The following FAM178B variants were observed in gnomAD, a reference collection of about 807,000 sequenced individuals.
FAM178B encodes protein FAM178B.
In FAM178B, 82 loss-of-function variants were observed where a neutral mutation model predicts 91.7. The ratio of observed to expected loss-of-function variants is 0.89; its 90% CI spans 0.75 to 1.07. The LOEUF (loss-of-function observed/expected upper bound fraction) is 1.07, where lower values mean the gene tolerates loss of function less well. Among genes scored for constraint, FAM178B ranks in the 50% least tolerant of loss-of-function variants. The pLI is 0.00. For synonymous variants in FAM178B, 368 were observed against 359.4 expected, an observed-to-expected ratio of 1.02 and a Z score of -0.27; for missense variants, 769 against 846.7, an observed-to-expected ratio of 0.91 and a Z score of 1.14.
chr2:96,891,562 C>T (rs2080681549), intron 14 of FAM178B, among the ~76,000 whole-genome samples: 1 of 152,202 alleles, frequency 6.6e-6, no homozygotes, highest in African/African-American at 2.4e-5. Context: ...GTGCTAGAGA[C>T]ACTGCATGTG....
chr2:96,964,940 C>T (rs1293718802), intron 5 of FAM178B, among the ~76,000 whole-genome samples: 1 of 152,144 alleles, frequency 6.6e-6, no homozygotes, highest in African/African-American at 2.4e-5. Flanking sequence ...GGGCTCCATA[C>T]CCTTGGGCCC....
chr2:96,934,628 G>A (rs76700755), intron 8 of FAM178B, among the ~76,000 whole-genome samples: 4,160 of 152,224 alleles, frequency 0.027, 198 homozygotes, highest in African/African-American at 0.096. Flanking sequence ...CAGGCAGACC[G>A]GCGTTCTCCC....
intron 12 of FAM178B, among the ~76,000 whole-genome samples, chr2:96,909,827 C>G (rs1464786812): frequency 6.6e-6 from 1 of 152,182 alleles, no homozygotes; most frequent in African/African-American, 2.4e-5. Context: ...GTGAATCTGA[C>G]CATTGTTCCA....
At chr2:96,971,636 T>C (rs2082219339) in intron 3 of FAM178B, among the ~76,000 whole-genome samples, 1 of 152,152 alleles carries the variant, frequency 6.6e-6, no homozygotes, top group South Asian at 2.1e-4. Flanking sequence ...AGGGGCCCCA[T>C]GAAGTGGCAT....
intron 10 of FAM178B, among the ~76,000 whole-genome samples, chr2:96,922,597 A>C (rs1351268995): frequency 2.6e-5 from 4 of 152,200 alleles, no homozygotes; most frequent in Non-Finnish European, 5.9e-5. Context: ...TGATTCACCC[A>C]CGTTGGCCTC....
rs376719399 is a variant in FAM178B at position 96,960,579 on chromosome 2, G to A, written c.735-139C>T. On this transcript the variant is annotated intron_variant, in intron 5 of 16. Transcript: ENST00000490605. Reference sequence around the variant, plus strand: ...CCTTGCGGCAAACCAAGGGGACAGCGCCACCTGCTGATGGAGGAAGAGCCC... The same window carrying A: ...CCTTGCGGCAAACCAAGGGGACAGCACCACCTGCTGATGGAGGAAGAGCCC... 2.8e-4 allele frequency: 283 copies of A among 998,150 alleles called. No homozygotes were observed. The African/African-American group carries it at 3.8e-3, about 13-fold the overall frequency. The allele number at this position is 998,150 out of a possible 1,614,324, so 61.8% of individuals were successfully genotyped here. A position where few individuals can be genotyped will look rare whatever the true frequency, so the allele number is the denominator to read the frequency against.
chr2:96,895,970 G>C (rs915717477), intron 13 of FAM178B, among the ~76,000 whole-genome samples: 5 of 152,230 alleles, frequency 3.3e-5, no homozygotes, highest in African/African-American at 1.2e-4. Flanking sequence ...ATCCTTTTGG[G>C]AGGGGGGAGG....
At chr2:96,900,164 G>A (rs1330367910) in intron 13 of FAM178B, among the ~76,000 whole-genome samples, 1 of 152,100 alleles carries the variant, frequency 6.6e-6, no homozygotes, top group African/African-American at 2.4e-5. Flanking sequence ...TCTGCGCTGG[G>A]CCTGTCCGTC....
At chr2:96,971,811 G>T in intron 3 of FAM178B, 90 bp downstream of exon 3, 1 of 1,243,678 alleles carries the variant, frequency 8.0e-7, no homozygotes. Context: ...CTGGGGCGTG[G>T]CTCAGGAGAG....
Position 96,986,405 on chromosome 2 carries a change from A to C in FAM178B, c.-92T>G, listed in dbSNP as rs1336629761. On this transcript the variant is annotated 5_prime_UTR_variant, in exon 1 of 17. Coordinates refer to ENST00000490605, the MANE Select transcript of FAM178B (RefSeq NM_001122646.3). Reference sequence around the variant, plus strand: ...GGGCCAGCTAGCCGGGAAAGGAAGCAGGAGCAGGCTCCCCAGGCGGCGCAG... The same window carrying C: ...GGGCCAGCTAGCCGGGAAAGGAAGCCGGAGCAGGCTCCCCAGGCGGCGCAG... 6 of 1,447,982 alleles carry C rather than the reference A, an allele frequency of 4.1e-6. No homozygotes were observed. The highest frequency in any genetic ancestry group is 4.6e-6 in the Non-Finnish European group (5 of 1,094,714). The allele number at this position is 1,447,982 out of a possible 1,614,324, so 89.7% of individuals were successfully genotyped here.
chr2:96,875,968 G>GC lies in FAM178B; in HGVS notation c.*307dup. The GC allele has an allele frequency of 2.3e-6, 1 of 438,152 alleles. No homozygotes were observed. Among genetic ancestry groups the GC allele is most frequent in the East Asian group, 4.1e-5 (1 of 24,176 alleles). The allele number at this position is 438,152 out of a possible 1,614,324, so 27.1% of individuals were successfully genotyped here. A position where few individuals can be genotyped will look rare whatever the true frequency, so the allele number is the denominator to read the frequency against. Reference sequence around the variant, plus strand: ...AGGAAGGAGGGTGGGGAGGACTGAGGCCCAGGGAAACCAGAGCTATGGAGA... The same window carrying GC: ...AGGAAGGAGGGTGGGGAGGACTGAGGCCCCAGGGAAACCAGAGCTATGGAGA... On this transcript the variant is annotated 3_prime_UTR_variant, in exon 17 of 17. Transcript: ENST00000490605.
At chr2:96,909,116 C>T (rs950737664) in intron 12 of FAM178B, among the ~76,000 whole-genome samples, 2 of 146,118 alleles carry the variant, frequency 1.4e-5, no homozygotes, top group African/African-American at 5.1e-5. Flanking sequence ...GCCCTCCAGC[C>T]TGGGCGACAG....
chr2:96,952,532 C>A (rs1456165524), intron 6 of FAM178B, among the ~76,000 whole-genome samples: 2 of 152,188 alleles, frequency 1.3e-5, no homozygotes, highest in Non-Finnish European at 2.9e-5. Context: ...TTGGGGACCA[C>A]TGACCCGGTA....
intron 13 of FAM178B, among the ~76,000 whole-genome samples, chr2:96,899,182 C>A (rs1028595424): frequency 6.6e-6 from 1 of 152,226 alleles, no homozygotes; most frequent in Admixed American, 6.5e-5. Flanking sequence ...TCCCTCCAGT[C>A]GCCATGAATC....
In FAM178B at chr2:96,967,608, C is replaced by T. The variant is rs781449794; in HGVS notation, c.646G>A (p.Glu216Lys). The part of the protein sequence containing the change: ...QEKREQALEQ[E>K]RERLLLQECL... ...TCCTGCAGAAGCAGCCTCTCTCGCT[C>T]CTGCTCCAGGGCCTGTTCCCTATAG... Residue 216 changes from glutamate to lysine, a missense_variant, in exon 5 of 17, where the codon GAG (glutamate) becomes AAG (lysine). By Grantham distance (56) the Glu-to-Lys change is moderately conservative. Transcript: ENST00000490605. 2.5e-4 allele frequency: 384 copies of T among 1,549,694 alleles called. No individual in the cohort carries two copies. Among genetic ancestry groups the T allele is most frequent in the Non-Finnish European group, 3.1e-4 (361 of 1,146,634 alleles).
chr2:96,920,775 A>G (rs2081323829), intron 12 of FAM178B, among the ~76,000 whole-genome samples: 1 of 151,002 alleles, frequency 6.6e-6, no homozygotes. Flanking sequence ...GGCATGGGTA[A>G]ATGCTAGGCA....
intron 14 of FAM178B, among the ~76,000 whole-genome samples, 196 bp from the exon 15 acceptor site, chr2:96,878,689 A>G (rs2080306222): frequency 6.6e-6 from 1 of 152,156 alleles, no homozygotes; most frequent in African/African-American, 2.4e-5. Context: ...GCTGGCACTC[A>G]CTTGGAGCTG....
intron 14 of FAM178B, among the ~76,000 whole-genome samples, chr2:96,889,636 C>T (rs750154524): frequency 6.6e-6 from 1 of 150,764 alleles, no homozygotes; most frequent in Non-Finnish European, 1.5e-5. Flanking sequence ...CAAGATTGTG[C>T]CATTGCACTC....
intron 12 of FAM178B, among the ~76,000 whole-genome samples, chr2:96,914,570 C>G (rs2081211236): frequency 6.6e-6 from 1 of 152,194 alleles, no homozygotes; most frequent in African/African-American, 2.4e-5. Flanking sequence ...TAGGTGTCAT[C>G]ATAATGTTGT....
Sources: allele counts gnomAD v4.1 joint callset (sites outside exome capture counted in the v4.1 genomes callset), GRCh38; gene constraint gnomAD v4.1.1; transcripts MANE v1.5; gene names NCBI Gene and HGNC (gene_info 2026-07-23, HGNC 2026-07-21).